PRSS37: variants seen among roughly 807,000 people sequenced by gnomAD.
PRSS37 encodes probable inactive serine protease 37.
Under a neutral mutation model 28.0 loss-of-function variants are expected in PRSS37, and 25 were observed. The ratio of observed to expected loss-of-function variants is 0.89; its 90% confidence interval spans 0.65 to 1.25. The LOEUF is 1.25. PRSS37 is among the 50% of genes most tolerant of loss of function. The pLI, the probability that PRSS37 is intolerant of heterozygous loss-of-function variation, is 0.00. For missense variants in PRSS37, 282 were observed against 292.2 expected (o/e 0.97, Z 0.25); for synonymous variants, 109 against 107.8 (o/e 1.01, Z -0.07).
chr7:141,840,479 G>A (rs982197336), intron 1 of PRSS37, among the ~76,000 whole-genome samples: 2 of 152,220 alleles, frequency 1.3e-5, no homozygotes, highest in Non-Finnish European at 2.9e-5. Flanking sequence ...AGCAGGCATT[G>A]TTCTAAGTGC....
At chr7:141,838,730 C>T (rs1009595260) in intron 2 of PRSS37, 6 of 281,024 alleles carry the variant, frequency 2.1e-5, no homozygotes, top group African/African-American at 9.0e-5. Flanking sequence ...GGGTTACAAT[C>T]CTTATCAGGC....
Position 141,838,291 on chromosome 7 carries a change from G to A in PRSS37, c.177-178C>T. 2.2e-6 allele frequency: 3 copies of A among 1,384,204 alleles called. No individual in the cohort carries two copies. In the South Asian group the frequency reaches 4.5e-5, roughly 21 times the overall value. The allele number at this position is 1,384,204 out of a possible 1,614,324, so 85.7% of individuals were successfully genotyped here. On this transcript the variant is annotated intron_variant, in intron 2 of 4. Transcript: ENST00000350549. ...TCCCCATTTAGCACATGAATTAATG[G>A]GGGCACATAGGAGTAATTCACTCAG...
At position 141,837,240 on chromosome 7, in the gene PRSS37, G is replaced by A; in HGVS notation, c.439C>T (p.Pro147Ser). 2 of 1,602,348 alleles carry A rather than the reference G, an allele frequency of 1.2e-6. No homozygotes were observed. Among genetic ancestry groups the A allele is most frequent in the Non-Finnish European group, 1.7e-6 (2 of 1,175,916 alleles). ...DWSQENSGRH[P>S]DLRQNLEAPV... ...GCCTCCAGGTTCTGCCGCAAGTCAG[G>A]GTGTCGGCCTGAGGGAGACGGGGAT... The change falls in exon 4 of 5, where the codon CCT becomes TCT. Residue 147 changes from proline (P) to serine (S), a missense_variant. Transcript: ENST00000350549.
intron 4 of PRSS37, 99 bp downstream of exon 4, chr7:141,837,013 A>C (rs1485040851): frequency 3.8e-6 from 5 of 1,313,402 alleles, no homozygotes. Context: ...CAAATTCTCA[A>C]AAAATTATTT....
chr7:141,840,910 C>T, intron 1 of PRSS37, 106 bp downstream of exon 1: 3 of 1,120,216 alleles, frequency 2.7e-6, no homozygotes, highest in Non-Finnish European at 2.7e-6. Context: ...CTGCTGATGA[C>T]ACTATTTTTG....
Position 141,837,124 on chromosome 7 carries a change from G to T in PRSS37, c.555C>A (p.Ser185Arg). 6.2e-7 allele frequency: 1 copy of T among 1,612,218 alleles called. No homozygotes were observed. Among genetic ancestry groups the T allele is most frequent in the East Asian group, 2.2e-5 (1 of 44,786 alleles). Residue 185 changes from serine to arginine, a missense_variant, in exon 4 of 5, where the codon AGC becomes AGA. Physicochemically the swap from Ser to Arg is moderately radical, Grantham distance 110 (BLOSUM62 -1). Transcript: ENST00000350549. ...SLCVKFVKVF[S>R]RIFGEVAVAT... ...GAGATAAGATTACCCCAAAAATTCG[G>T]CTGAATACTTTCACAAATTTCACAC...
rs1801032940 is a variant in PRSS37, at chr7:141,838,243, C to G, written c.177-130G>C. 4 of 1,497,486 alleles carry G rather than the reference C, an allele frequency of 2.7e-6. No individual in the cohort carries two copies. The East Asian group carries it at 9.1e-5, about 34-fold the overall frequency. 92.8% of individuals were successfully genotyped at this position (1,497,486 alleles called of 1,614,324 possible). A position where few individuals can be genotyped will look rare whatever the true frequency, so the allele number is the denominator to read the frequency against. On this transcript the variant is annotated intron_variant, in intron 2 of 4. Coordinates refer to ENST00000350549, the MANE Select transcript of PRSS37 (RefSeq NM_001008270.3). ...TTATGTCATTTAACTCACAACAAGT[C>G]TATGCAGTGGATTCCATTTTTATCC... is the stretch of plus-strand genomic sequence containing the variant.
chr7:141,838,278 A>C, intron 2 of PRSS37, 165 bp from the exon 3 acceptor site: 1 of 1,429,996 alleles, frequency 7.0e-7, no homozygotes. Flanking sequence ...CCCATTTAGC[A>C]CATGAATTAA....
chr7:141,841,044 T>A lies in PRSS37; in HGVS notation c.6A>T (p.Lys2Asn). 1.2e-6 allele frequency: 2 copies of A among 1,613,762 alleles called. No homozygotes were observed. The highest frequency in any genetic ancestry group is 1.7e-6 in the Non-Finnish European group (2 of 1,179,704). Residue 2 changes from lysine (K) to asparagine (N), a missense_variant, in exon 1 of 5, where the codon AAA becomes AAT. Coordinates refer to ENST00000350549, the MANE Select transcript of PRSS37 (RefSeq NM_001008270.3). ...CGAGGACACCCAAATAGAAGACATATTTCATGGTGATCCAGCTCTTCCCCC... is the reference window on the plus strand; with the variant it reads ...CGAGGACACCCAAATAGAAGACATAATTCATGGTGATCCAGCTCTTCCCCC... Reference protein sequence around the residue: MKYVFYLGVLAG... With the variant: MNYVFYLGVLAG...
chr7:141,837,667 A>T (rs1472885950), intron 3 of PRSS37, 193 bp downstream of exon 3: 8 of 1,528,824 alleles, frequency 5.2e-6, no homozygotes, highest in Non-Finnish European at 7.0e-6. Context: ...AGGCAGTGGG[A>T]TATTAGACAC....
intron 2 of PRSS37, chr7:141,838,794 A>G: frequency 3.0e-6 from 1 of 335,534 alleles, no homozygotes; most frequent in Non-Finnish European, 5.8e-6. Context: ...CTCCTTTGAA[A>G]TTATCTTCTC....
intron 1 of PRSS37, among the ~76,000 whole-genome samples, chr7:141,840,474 G>A (rs1254085512): frequency 6.6e-6 from 1 of 152,174 alleles, no homozygotes; most frequent in Non-Finnish European, 1.5e-5. Flanking sequence ...TCTATAGCAG[G>A]CATTGTTCTA....
Position 141,841,013 on chromosome 7 carries a change from T to G in PRSS37, c.34+3A>C. ...GACAGAGTACAAGGTCTTGAGTACA[T>G]ACCAGCGAGGACACCCAAATAGAAG... On this transcript the variant is annotated splice_donor_region_variant and intron_variant, in intron 1 of 4. Transcript: ENST00000350549. 6.2e-7 allele frequency: 1 copy of G among 1,613,622 alleles called. No homozygotes were observed. The highest frequency in any genetic ancestry group is 1.3e-5 in the African/African-American group (1 of 75,014).
In PRSS37 at chr7:141,841,140, A is replaced by G. The variant is rs2117274567; in HGVS notation, c.-91T>C. On this transcript the variant is annotated 5_prime_UTR_variant, in exon 1 of 5. Coordinates refer to ENST00000350549, the MANE Select transcript of PRSS37 (RefSeq NM_001008270.3). ...AGTTGTCTTCTCAGGAACACCTGGT[A>G]GACTCAGTGGCTATGGTTAGATACG... is the stretch of plus-strand genomic sequence containing the variant. 6.3e-7 allele frequency: 1 copy of G among 1,599,684 alleles called. No individual in the cohort carries two copies. Among genetic ancestry groups the G allele is most frequent in the African/African-American group, 1.3e-5 (1 of 74,712 alleles).
chr7:141,840,917 T>C (rs1801129972), intron 1 of PRSS37, 99 bp downstream of exon 1: 10 of 1,206,282 alleles, frequency 8.3e-6, no homozygotes, highest in Non-Finnish European at 1.2e-5. Context: ...TGACACTATT[T>C]TTGACTCTTT....
In PRSS37 at chr7:141,838,022, T is replaced by G. The variant is rs1039461054; in HGVS notation, c.268A>C (p.Asn90His). ...TCCTGTGGGGCGCTATGACTGTAGTTCCAGTAGCGGACGATCTGAATGGGG... is the reference window on the plus strand; with the variant it reads ...TCCTGTGGGGCGCTATGACTGTAGTGCCAGTAGCGGACGATCTGAATGGGG... ...INPIQIVRYWNYSHSAPQDDL... is the reference protein window; with the variant it reads ...INPIQIVRYWHYSHSAPQDDL... The change falls in exon 3 of 5, where the codon AAC becomes CAC. Residue 90 changes from asparagine to histidine, a missense_variant. Asn to His is a moderately conservative substitution (Grantham distance 68). Coordinates refer to ENST00000350549, the MANE Select transcript of PRSS37 (RefSeq NM_001008270.3). 1.2e-6 allele frequency: 2 copies of G among 1,614,034 alleles called. No homozygotes were observed. Among genetic ancestry groups the G allele is most frequent in the African/African-American group, 2.7e-5 (2 of 74,896 alleles).
chr7:141,837,291 G>GT, intron 3 of PRSS37, 43 bp from the exon 4 acceptor site: 1 of 1,556,988 alleles, frequency 6.4e-7, no homozygotes, highest in South Asian at 1.2e-5. Context: ...GTTGACAGTG[G>GT]TTATTTTAGT....
In PRSS37 at chr7:141,836,482, C is replaced by T. The variant is rs1304433774; in HGVS notation, c.621G>A (p.Val207=). 6.2e-7 allele frequency: 1 copy of T among 1,613,878 alleles called. No homozygotes were observed. The highest frequency in any genetic ancestry group is 8.5e-7 in the Non-Finnish European group (1 of 1,179,988). ...CGACGTCCCCTCCCATGAAGTGCCC[C>T]ACCTCGATTCCCTGGAGCTTGTCTT... is the stretch of plus-strand genomic sequence containing the variant. ...ICKDKLQGIE[V]GHFMGGDVGI... The change falls in exon 5 of 5, where the codon GTG becomes GTA. Residue 207 remains valine, a synonymous_variant. Transcript: ENST00000350549.
intron 1 of PRSS37, among the ~76,000 whole-genome samples, chr7:141,839,894 T>C (rs913549552): frequency 6.6e-6 from 1 of 152,182 alleles, no homozygotes; most frequent in African/African-American, 2.4e-5. Context: ...TCATGTTAGC[T>C]ATAACAGCTG....
Sources: allele counts gnomAD v4.1 joint callset (sites outside exome capture counted in the v4.1 genomes callset), GRCh38; gene constraint gnomAD v4.1.1; transcripts MANE v1.5; gene names NCBI Gene and HGNC (gene_info 2026-07-23, HGNC 2026-07-21).